Variants in OLA1 observed in about 807,000 individuals in gnomAD.
The protein encoded by OLA1 is obg-like ATPase 1.
Under a neutral mutation model 48.4 loss-of-function variants are expected in OLA1, and 14 were observed. That is an observed-to-expected ratio of 0.29 (90% CI 0.19 to 0.45). OLA1 has a LOEUF of 0.45. Ranked by LOEUF, OLA1 falls within the 20% of genes least tolerant of loss-of-function variation. OLA1 has a pLI of 1.00. For missense variants in OLA1, 325 were observed against 467.1 expected (o/e 0.70, Z 2.80); for synonymous variants, 127 against 150.4 (o/e 0.84, Z 1.14).
intron 4 of OLA1, among the ~76,000 whole-genome samples, chr2:174,183,563 A>G (rs1168086064): frequency 6.6e-6 from 1 of 152,174 alleles, no homozygotes; most frequent in Non-Finnish European, 1.5e-5. Context: ...ATCAAATACC[A>G]TACTCCTCTG....
Position 174,182,481 on chromosome 2 carries a change from G to A in OLA1, c.374-40481C>T, listed in dbSNP as rs189693449. 2.0e-3 allele frequency among the ~76,000 whole-genome samples: 304 copies of A among 152,090 alleles called. 3 individuals are homozygous for A. The highest frequency in any genetic ancestry group is 6.9e-3 in the African/African-American group (288 of 41,472). On this transcript the variant is annotated intron_variant, in intron 4 of 10. Coordinates refer to ENST00000284719, the MANE Select transcript of OLA1 (RefSeq NM_013341.5). Reference sequence around the variant, plus strand: ...GTGTAGGTTGTGGTGAGCCGAGATCGTGCCATTGCAACTCCAGCCTGGGCA... The same window carrying A: ...GTGTAGGTTGTGGTGAGCCGAGATCATGCCATTGCAACTCCAGCCTGGGCA...
intron 4 of OLA1, among the ~76,000 whole-genome samples, chr2:174,171,097 T>C (rs1247488900): frequency 2.0e-5 from 3 of 152,202 alleles, no homozygotes; most frequent in African/African-American, 7.2e-5. Flanking sequence ...ACACATAATG[T>C]GTATGTGCCT....
rs61737494 is a variant in OLA1, at chr2:174,246,801, C to T, written c.15G>A (p.Lys5=). The T allele has an allele frequency of 1.2e-4, 188 of 1,611,082 alleles. 1 individual carries two copies. The African/African-American group carries it at 1.6e-3, about 13-fold the overall frequency. MPPK[K]GGDGIKPPPI... ...GGGGTGGTTTAATTCCATCACCTCC[C>T]TTTTTAGGGGGCATCTGAAATACCA... is the stretch of plus-strand genomic sequence containing the variant. The change falls in exon 2 of 11, where the codon AAG becomes AAA. Residue 5 remains lysine, a synonymous_variant. Coordinates refer to ENST00000284719, the MANE Select transcript of OLA1 (RefSeq NM_013341.5).
At chr2:174,198,183 G>A (rs1310037164) in intron 4 of OLA1, among the ~76,000 whole-genome samples, 2 of 151,986 alleles carry the variant, frequency 1.3e-5, no homozygotes, top group East Asian at 1.9e-4. Flanking sequence ...GGATGATCTC[G>A]ATCTCCTGAC....
At chr2:174,113,867 T>C (rs2105361220) in intron 7 of OLA1, among the ~76,000 whole-genome samples, 1 of 152,294 alleles carries the variant, frequency 6.6e-6, no homozygotes, top group Non-Finnish European at 1.5e-5. Flanking sequence ...GCATGTTTTA[T>C]AATCTTTCCA....
chr2:174,215,152 C>G (rs540933873), intron 4 of OLA1, among the ~76,000 whole-genome samples: 1 of 152,000 alleles, frequency 6.6e-6, no homozygotes, highest in Admixed American at 6.5e-5. Context: ...TTAAAGACAC[C>G]TAAAAGATCC....
intron 10 of OLA1, 30 bp downstream of exon 10, chr2:174,078,938 T>C (rs2105337876): frequency 6.3e-7 from 1 of 1,587,068 alleles, no homozygotes; most frequent in Middle Eastern, 2.3e-4. Context: ...GGAAACATTG[T>C]GAAATACAAA....
intron 7 of OLA1, among the ~76,000 whole-genome samples, chr2:174,104,034 G>A (rs1000942481): frequency 1.3e-5 from 2 of 152,024 alleles, no homozygotes; most frequent in African/African-American, 4.8e-5. Flanking sequence ...TTTATACATT[G>A]TGAAGAGCAT....
chr2:174,196,121 C>T (rs1474079559), intron 4 of OLA1, among the ~76,000 whole-genome samples: 1 of 152,036 alleles, frequency 6.6e-6, no homozygotes, highest in Non-Finnish European at 1.5e-5. Flanking sequence ...AGTTATCTAA[C>T]AGTCTAAATA....
chr2:174,173,026 T>C (rs544771651), intron 4 of OLA1, among the ~76,000 whole-genome samples: 2 of 152,270 alleles, frequency 1.3e-5, no homozygotes, highest in African/African-American at 4.8e-5. Context: ...TCCTGGGGCC[T>C]CACCAGAAGC....
intron 1 of OLA1, chr2:174,247,645 A>G (rs1262966279): frequency 1.9e-6 from 3 of 1,550,284 alleles, no homozygotes; most frequent in African/African-American, 1.4e-5. Context: ...CACAACCCCC[A>G]TTTTTCACAT....
intron 4 of OLA1, among the ~76,000 whole-genome samples, chr2:174,143,108 C>T (rs1190405919): frequency 6.6e-6 from 1 of 151,894 alleles, no homozygotes; most frequent in East Asian, 1.9e-4. Flanking sequence ...ATATAATTTC[C>T]CAGAATTAAA....
intron 5 of OLA1, among the ~76,000 whole-genome samples, chr2:174,124,697 T>A (rs1686007171): frequency 6.6e-6 from 1 of 152,236 alleles, no homozygotes; most frequent in Non-Finnish European, 1.5e-5. Context: ...TAAATATGCA[T>A]TTCTCAAAAT....
rs1063613 is a variant in OLA1 at position 174,075,256 on chromosome 2, G to C, written c.*170C>G. ...CATTTAGTGAACCTGCATTTCATGG[G>C]GGGGGGGGGGTACACAGTATTTTAA... is the stretch of plus-strand genomic sequence containing the variant. On this transcript the variant is annotated 3_prime_UTR_variant, in exon 11 of 11. Coordinates refer to ENST00000284719, the MANE Select transcript of OLA1 (RefSeq NM_013341.5). The C allele has an allele frequency of 3.5e-5, 13 of 373,808 alleles. No individual in the cohort carries two copies. The highest frequency in any genetic ancestry group is 1.0e-4 in the Admixed American group (2 of 20,050). 23.2% of individuals were successfully genotyped at this position (373,808 alleles called of 1,614,324 possible).
At chr2:174,200,603 T>C (rs961603110) in intron 4 of OLA1, among the ~76,000 whole-genome samples, 1 of 152,122 alleles carries the variant, frequency 6.6e-6, no homozygotes. Flanking sequence ...AACTGGAATA[T>C]CAATATGGAT....
intron 4 of OLA1, among the ~76,000 whole-genome samples, chr2:174,181,504 T>C (rs774958295): frequency 2.6e-5 from 4 of 152,154 alleles, no homozygotes; most frequent in Non-Finnish European, 5.9e-5. Context: ...AGAGAGGGCA[T>C]GACAGCAGGA....
At chr2:174,111,296 C>T (rs80228644) in intron 7 of OLA1, among the ~76,000 whole-genome samples, 20,913 of 152,200 alleles carry the variant, frequency 0.14, 1,812 homozygotes, top group Non-Finnish European at 0.2. Context: ...ACATAAAAAA[C>T]TCCTTGTCTA....
intron 7 of OLA1, among the ~76,000 whole-genome samples, chr2:174,105,537 T>C (rs553436540): frequency 1.3e-5 from 2 of 152,134 alleles, no homozygotes; most frequent in South Asian, 4.1e-4. Flanking sequence ...TCTAGATTAA[T>C]CTATGCCATA....
intron 4 of OLA1, chr2:174,172,197 G>T: frequency 4.6e-6 from 1 of 217,640 alleles, no homozygotes; most frequent in Non-Finnish European, 1.0e-5. Context: ...AGAAAAGAAT[G>T]TGGAGGCAGC....
Sources: allele counts gnomAD v4.1 joint callset (sites outside exome capture counted in the v4.1 genomes callset), GRCh38; gene constraint gnomAD v4.1.1; transcripts MANE v1.5; gene names NCBI Gene and HGNC (gene_info 2026-07-23, HGNC 2026-07-21).